Variants in HHIP observed in about 807,000 individuals in gnomAD.
HHIP encodes hedgehog-interacting protein.
A neutral mutation model predicts 74.0 loss-of-function variants in HHIP; 12 were observed. The observed-to-expected ratio is 0.16, with a 90% CI of 0.10 to 0.26. The LOEUF is 0.26. Ranked by LOEUF, HHIP falls within the 10% of genes least tolerant of loss-of-function variation. The pLI is 1.00. For synonymous variants in HHIP, 309 were observed against 311.6 expected (o/e 0.99, Z 0.09); for missense variants, 788 against 845.0 (o/e 0.93, Z 0.84).
intron 10 of HHIP, among the ~76,000 whole-genome samples, chr4:144,717,929 G>A (rs538860253): frequency 1.4e-4 from 21 of 152,200 alleles, no homozygotes; most frequent in African/African-American, 4.1e-4. Context: ...ATCTTGCACA[G>A]AAATAAATCA....
intron 4 of HHIP, among the ~76,000 whole-genome samples, chr4:144,697,466 C>T (rs1433158828): frequency 1.3e-5 from 2 of 151,956 alleles, no homozygotes; most frequent in East Asian, 3.9e-4. Context: ...CGTATTGAGC[C>T]AGATAGTCCC....
chr4:144,647,046 G>T, intron 1 of HHIP, 92 bp downstream of exon 1: 3 of 1,132,788 alleles, frequency 2.6e-6, no homozygotes, highest in Non-Finnish European at 2.5e-6. Context: ...TTGTAAGAAG[G>T]TCAAAACTTC....
chr4:144,704,346 T>C (rs538606628), intron 4 of HHIP, among the ~76,000 whole-genome samples: 1 of 152,338 alleles, frequency 6.6e-6, no homozygotes, highest in South Asian at 2.1e-4. Flanking sequence ...TTTTTTTAAA[T>C]TGCTTTTTTG....
intron 11 of HHIP, among the ~76,000 whole-genome samples, chr4:144,720,712 G>A (rs1730606972): frequency 6.6e-6 from 1 of 152,080 alleles, no homozygotes; most frequent in South Asian, 2.1e-4. Flanking sequence ...TTCAGAAGGT[G>A]GGGGAAGTAG....
intron 2 of HHIP, among the ~76,000 whole-genome samples, 180 bp downstream of exon 2, chr4:144,652,977 T>C (rs1728464533): frequency 6.6e-6 from 1 of 152,172 alleles, no homozygotes; most frequent in Admixed American, 6.5e-5. Context: ...GGGAATATTG[T>C]AATTTCAGTC....
chr4:144,678,492 T>G (rs1451013515), intron 4 of HHIP, among the ~76,000 whole-genome samples: 1 of 152,162 alleles, frequency 6.6e-6, no homozygotes, highest in Non-Finnish European at 1.5e-5. Context: ...GCTGCACCTA[T>G]CAACCTGTCA....
intron 4 of HHIP, among the ~76,000 whole-genome samples, chr4:144,705,984 T>A (rs773388038): frequency 8.5e-5 from 13 of 152,222 alleles, no homozygotes; most frequent in Non-Finnish European, 1.9e-4. Context: ...TACCTAGCTA[T>A]GATGAACAGA....
intron 4 of HHIP, among the ~76,000 whole-genome samples, chr4:144,684,619 A>G (rs930844551): frequency 2.3e-4 from 35 of 152,110 alleles, no homozygotes; most frequent in African/African-American, 8.4e-4. Context: ...CATTTGTACA[A>G]GGATATTTTA....
At chr4:144,701,680 G>A (rs1307039550) in intron 4 of HHIP, among the ~76,000 whole-genome samples, 1 of 152,102 alleles carries the variant, frequency 6.6e-6, no homozygotes, top group Non-Finnish European at 1.5e-5. Flanking sequence ...ATTAAAAAAA[G>A]AAATAGTTGG....
chr4:144,672,510 G>A (rs1002819794), intron 4 of HHIP, among the ~76,000 whole-genome samples: 1 of 152,028 alleles, frequency 6.6e-6, no homozygotes, highest in Non-Finnish European at 1.5e-5. Context: ...GAAGAGGAGA[G>A]TAGTTGTAGG....
At chr4:144,668,597 C>A (rs1202263897) in intron 4 of HHIP, among the ~76,000 whole-genome samples, 3 of 151,734 alleles carry the variant, frequency 2.0e-5, no homozygotes, top group Non-Finnish European at 2.9e-5. Flanking sequence ...ACTAAAAATA[C>A]AAAAATTAGC....
chr4:144,738,782 A>C lies in HHIP; in HGVS notation c.*825A>C, dbSNP rs1241855208. The C allele has an allele frequency of 1.4e-6, 1 of 710,202 alleles. No individual in the cohort carries two copies. Among genetic ancestry groups the C allele is most frequent in the Non-Finnish European group, 1.7e-6 (1 of 578,864 alleles). 44.0% of individuals were successfully genotyped at this position (710,202 alleles called of 1,614,324 possible). On this transcript the variant is annotated 3_prime_UTR_variant, in exon 13 of 13. Coordinates refer to ENST00000296575, the MANE Select transcript of HHIP (RefSeq NM_022475.3). ...AACACTAAAGTTACATTTTTCACCA[A>C]CTTAATTGGAAAGAAGGGGAGTGAG...
intron 4 of HHIP, among the ~76,000 whole-genome samples, chr4:144,688,409 C>T (rs1457386429): frequency 3.3e-5 from 5 of 151,092 alleles, no homozygotes; most frequent in Non-Finnish European, 5.9e-5. Flanking sequence ...TTTTTGAAGT[C>T]CCAGGCAGCC....
At chr4:144,658,578 A>G (rs1267455276) in intron 2 of HHIP, among the ~76,000 whole-genome samples, 2 of 151,938 alleles carry the variant, frequency 1.3e-5, no homozygotes, top group Non-Finnish European at 2.9e-5. Context: ...CATGTTGACC[A>G]GGTTGGTCTC....
chr4:144,728,156 T>C (rs1334171079), intron 11 of HHIP, among the ~76,000 whole-genome samples: 1 of 152,202 alleles, frequency 6.6e-6, no homozygotes, highest in Non-Finnish European at 1.5e-5. Context: ...CAGTCAAACC[T>C]GTGGCTCGAT....
chr4:144,706,721 C>A (rs1247392916), intron 5 of HHIP, 39 bp downstream of exon 5: 2 of 1,539,518 alleles, frequency 1.3e-6, no homozygotes, highest in Non-Finnish European at 8.8e-7. Context: ...AATTTCTCAT[C>A]TTATTTTCTC....
At position 144,715,301 on chromosome 4, in the gene HHIP, A is replaced by T. The variant is rs201754996; in HGVS notation, c.1549A>T (p.Asn517Tyr). Residue 517 changes from asparagine (N) to tyrosine (Y), a missense_variant and splice_region_variant, in exon 10 of 13, where the codon AAT becomes TAT. Coordinates refer to ENST00000296575, the MANE Select transcript of HHIP (RefSeq NM_022475.3). ...GSYVFGDRNG[N>Y]FLTLQQSPVT... Reference sequence around the variant, plus strand: ...CTTTATGGTATGTTTCTGTTGTAGGAATTTCCTAACTCTCCAGCAAAGTCC... The same window carrying T: ...CTTTATGGTATGTTTCTGTTGTAGGTATTTCCTAACTCTCCAGCAAAGTCC... The T allele has an allele frequency of 6.2e-7, 1 of 1,612,914 alleles. No homozygotes were observed. Among genetic ancestry groups the T allele is most frequent in the Non-Finnish European group, 8.5e-7 (1 of 1,179,086 alleles).
intron 4 of HHIP, chr4:144,685,506 T>C (rs1175004094): frequency 6.6e-6 from 1 of 152,166 alleles, no homozygotes; most frequent in Non-Finnish European, 1.5e-5. Flanking sequence ...ATTTGAAAAA[T>C]TGTGGAATTT....
chr4:144,646,675 G>A lies in HHIP; in HGVS notation c.-1G>A, dbSNP rs201404563. The A allele has an allele frequency of 2.5e-6, 4 of 1,613,618 alleles. No homozygotes were observed. Among genetic ancestry groups the A allele is most frequent in the Non-Finnish European group, 3.4e-6 (4 of 1,179,656 alleles). ...CCAGCCCCTGCTGCTCTGGGCAGAC[G>A]ATGCTGAAGATGCTCTCCTTTAAGC... On this transcript the variant is annotated 5_prime_UTR_variant, in exon 1 of 13. Transcript: ENST00000296575.
Sources: allele counts gnomAD v4.1 joint callset (sites outside exome capture counted in the v4.1 genomes callset), GRCh38; gene constraint gnomAD v4.1.1; transcripts MANE v1.5; gene names NCBI Gene and HGNC (gene_info 2026-07-23, HGNC 2026-07-21).